KSR2: variants seen among roughly 807,000 people sequenced by gnomAD.
The protein encoded by KSR2 is kinase suppressor of ras 2.
Under a neutral mutation model 107.8 loss-of-function variants are expected in KSR2, and 25 were observed. The ratio of observed to expected loss-of-function variants is 0.23; its 90% confidence interval spans 0.17 to 0.32. KSR2 has a LOEUF of 0.32. Ranked by LOEUF, KSR2 falls within the 10% of genes least tolerant of loss-of-function variation. KSR2 has a pLI of 1.00. For missense variants in KSR2, 887 were observed against 1,268.9 expected, an observed-to-expected ratio of 0.70 and a Z score of 4.57; for synonymous variants, 480 against 507.0, an observed-to-expected ratio of 0.95 and a Z score of 0.71.
At chr12:117,692,546 A>G (rs10774951) in intron 4 of KSR2, among the ~76,000 whole-genome samples, 87,190 of 119,556 alleles carry the variant, frequency 0.73, 33,854 homozygotes, top group Middle Eastern at 0.88. Context: ...ATATATACAC[A>G]TACATATATA....
At chr12:117,704,073 T>C (rs1886428266) in intron 4 of KSR2, among the ~76,000 whole-genome samples, 1 of 152,182 alleles carries the variant, frequency 6.6e-6, no homozygotes, top group Non-Finnish European at 1.5e-5. Flanking sequence ...AGAAGACCTA[T>C]AATCTTCAAG....
chr12:117,672,531 T>C (rs1884953246), intron 4 of KSR2, among the ~76,000 whole-genome samples: 1 of 152,222 alleles, frequency 6.6e-6, no homozygotes, highest in African/African-American at 2.4e-5. Flanking sequence ...AAAGTCACTA[T>C]GACCAGGTCA....
chr12:117,921,432 T>TC (rs1205058689), intron 1 of KSR2, among the ~76,000 whole-genome samples: 2 of 152,202 alleles, frequency 1.3e-5, no homozygotes, highest in South Asian at 2.1e-4. Context: ...CACTTTTTTT[T>TC]CCCCTAGAGA....
In KSR2 at chr12:117,708,881, A is replaced by T. The variant is rs147289949; in HGVS notation, c.987-41223T>A. Among the ~76,000 whole-genome samples, 515 of 152,248 alleles carry T rather than the reference A, an allele frequency of 3.4e-3. 6 individuals carry two copies. Among genetic ancestry groups the T allele is most frequent in the Non-Finnish European group, 3.4e-3 (230 of 68,018 alleles). Reference sequence around the variant, plus strand: ...ACAACAGTAAACGGCTTAAAACCACACATATTTATGACCTTATAGTTCTAG... The same window carrying T: ...ACAACAGTAAACGGCTTAAAACCACTCATATTTATGACCTTATAGTTCTAG... On this transcript the variant is annotated intron_variant, in intron 4 of 19. Coordinates refer to ENST00000339824, the MANE Select transcript of KSR2 (RefSeq NM_173598.6).
chr12:117,907,258 T>G lies in KSR2; in HGVS notation c.181-46827A>C, dbSNP rs576384029. Among the ~76,000 whole-genome samples, 2 of 152,298 alleles carry G rather than the reference T, an allele frequency of 1.3e-5. No individual in the cohort carries two copies. Among genetic ancestry groups the G allele is most frequent in the East Asian group, 3.9e-4 (2 of 5,186 alleles). ...CTGACCCAATGTCTAGATGAGCCAT[T>G]ACACCAAACTGCCTTCGTTCTGGAT... On this transcript the variant is annotated intron_variant, in intron 1 of 19. Coordinates refer to ENST00000339824, the MANE Select transcript of KSR2 (RefSeq NM_173598.6). The surrounding 1 kb of genome is among the most constrained non-coding windows in gnomAD (Gnocchi z 4.3).
chr12:117,696,369 C>G (rs1886059650), intron 4 of KSR2, among the ~76,000 whole-genome samples: 1 of 152,154 alleles, frequency 6.6e-6, no homozygotes, highest in Non-Finnish European at 1.5e-5. Context: ...CAGTAAGTGT[C>G]CTAAGATACC....
At chr12:117,494,003 T>G (rs1040189550) in intron 14 of KSR2, among the ~76,000 whole-genome samples, 2 of 152,134 alleles carry the variant, frequency 1.3e-5, no homozygotes, top group Non-Finnish European at 2.9e-5. Context: ...TTCTTCCCAG[T>G]CTCCGGTAGG....
At chr12:117,559,034 G>A (rs540281848) in intron 7 of KSR2, among the ~76,000 whole-genome samples, 175 of 138,058 alleles carry the variant, frequency 1.3e-3, no homozygotes, top group South Asian at 8.0e-3. Flanking sequence ...ATAGATGGAT[G>A]GATGGAAGGA....
chr12:117,765,083 A>C (rs1889178208), intron 3 of KSR2, among the ~76,000 whole-genome samples: 1 of 152,246 alleles, frequency 6.6e-6, no homozygotes, highest in South Asian at 2.1e-4. Flanking sequence ...ACAGTGAGGA[A>C]GTGACATTTA....
chr12:117,605,228 G>A (rs1881160748), intron 5 of KSR2, among the ~76,000 whole-genome samples: 1 of 152,084 alleles, frequency 6.6e-6, no homozygotes, highest in African/African-American at 2.4e-5. Context: ...GTGTGGCTGT[G>A]ACCAGCTCAT....
chr12:117,758,759 G>C (rs1888888966), intron 4 of KSR2, among the ~76,000 whole-genome samples: 1 of 152,156 alleles, frequency 6.6e-6, no homozygotes, highest in Admixed American at 6.5e-5. Context: ...CTCTCACTTG[G>C]CCTCCATCTT....
rs1893070803 is a variant in KSR2, at chr12:117,855,475, G to T, written c.425C>A (p.Ala142Asp). The T allele has an allele frequency of 6.2e-7, 1 of 1,613,904 alleles. No homozygotes were observed. The highest frequency in any genetic ancestry group is 1.3e-5 in the African/African-American group (1 of 74,946). ...GCAGGAGAGGGAGGCGTTGAGGCGG[G>T]CACACTCCTCCCGGTTGGCTCCGTA... The part of the protein sequence containing the change: ...EKYGANREEC[A>D]RLNASLSCLR... Residue 142 changes from alanine (A) to aspartate (D), a missense_variant, in exon 3 of 20, where the codon GCC (alanine) becomes GAC (aspartate). Physicochemically the swap from Ala to Asp is moderately radical, Grantham distance 126. Transcript: ENST00000339824.
At chr12:117,604,292 T>C (rs1881111122) in intron 5 of KSR2, among the ~76,000 whole-genome samples, 1 of 152,228 alleles carries the variant, frequency 6.6e-6, no homozygotes, top group Non-Finnish European at 1.5e-5. Flanking sequence ...GAGGCTACAC[T>C]TCCCAGCATG....
chr12:117,860,796 G>A (rs945812399), intron 1 of KSR2, among the ~76,000 whole-genome samples: 8 of 152,152 alleles, frequency 5.3e-5, no homozygotes, highest in African/African-American at 1.9e-4. Flanking sequence ...TCTGCTCAGT[G>A]CAACCTCCAC....
intron 4 of KSR2, among the ~76,000 whole-genome samples, chr12:117,705,767 T>C (rs988441514): frequency 1.1e-4 from 17 of 152,188 alleles, no homozygotes; most frequent in Non-Finnish European, 1.9e-4. Flanking sequence ...TGCCCCTGCA[T>C]AGACTGGGAA....
intron 14 of KSR2, among the ~76,000 whole-genome samples, chr12:117,508,238 G>C (rs1448164291): frequency 1.3e-5 from 2 of 152,258 alleles, no homozygotes; most frequent in African/African-American, 4.8e-5. Context: ...CTCTAAACAC[G>C]TGATACCAGA....
intron 14 of KSR2, among the ~76,000 whole-genome samples, chr12:117,489,806 A>C (rs1454778215): frequency 6.6e-6 from 1 of 152,204 alleles, no homozygotes; most frequent in Non-Finnish European, 1.5e-5. Context: ...TGAGCTTTAA[A>C]GATGAGCAGG....
intron 1 of KSR2, among the ~76,000 whole-genome samples, chr12:117,914,608 C>A (rs545834628): frequency 3.3e-5 from 5 of 152,168 alleles, no homozygotes; most frequent in Admixed American, 6.5e-5. Flanking sequence ...AATCATATCT[C>A]ACTGCAGCCT....
chr12:117,692,889 A>G (rs1424665923), intron 4 of KSR2, among the ~76,000 whole-genome samples: 1 of 152,154 alleles, frequency 6.6e-6, no homozygotes. Flanking sequence ...CCATGGGGAT[A>G]GGGGGAAGCT....
Sources: allele counts gnomAD v4.1 joint callset (sites outside exome capture counted in the v4.1 genomes callset), GRCh38; gene constraint gnomAD v4.1.1; non-coding constraint Gnocchi (gnomAD v3.1); transcripts MANE v1.5; gene names NCBI Gene and HGNC (gene_info 2026-07-23, HGNC 2026-07-21).